Variants in MYO3B observed in about 807,000 individuals in gnomAD.
The protein encoded by MYO3B is myosin-IIIb.
Under a neutral mutation model 174.6 loss-of-function variants are expected in MYO3B, and 156 were observed. The ratio of observed to expected loss-of-function variants is 0.89; its 90% confidence interval spans 0.78 to 1.02. The LOEUF is 1.02. Among genes scored for constraint, MYO3B ranks in the 50% least tolerant of loss-of-function variants. MYO3B has a pLI of 0.00. For missense variants in MYO3B, 1,632 were observed against 1,639.4 expected, an observed-to-expected ratio of 1.00 and a Z score of 0.08; for synonymous variants, 563 against 569.1, an observed-to-expected ratio of 0.99 and a Z score of 0.15.
chr2:170,260,274 T>C (rs2093335774), intron 7 of MYO3B, among the ~76,000 whole-genome samples: 1 of 152,200 alleles, frequency 6.6e-6, no homozygotes, highest in African/African-American at 2.4e-5. Context: ...TGTATGTTAA[T>C]TGCAGCACCA....
chr2:170,382,454 A>T (rs1225922881), intron 10 of MYO3B: 1 of 183,624 alleles, frequency 5.4e-6, no homozygotes, highest in Non-Finnish European at 1.2e-5. Context: ...TTTGTTCTTC[A>T]TAAGAAAGAG....
At chr2:170,458,295 G>A (rs926017321) in intron 23 of MYO3B, among the ~76,000 whole-genome samples, 1 of 152,186 alleles carries the variant, frequency 6.6e-6, no homozygotes, top group African/African-American at 2.4e-5. Context: ...TGGGACTAAT[G>A]TAGTATATAC....
chr2:170,529,902 A>G (rs569152133), intron 30 of MYO3B, among the ~76,000 whole-genome samples: 1 of 152,206 alleles, frequency 6.6e-6, no homozygotes, highest in Non-Finnish European at 1.5e-5. Flanking sequence ...CACTTTCTTC[A>G]CTGGGTTATA....
At chr2:170,192,261 A>C (rs2092549652) in intron 1 of MYO3B, among the ~76,000 whole-genome samples, 1 of 151,134 alleles carries the variant, frequency 6.6e-6, no homozygotes, top group South Asian at 2.1e-4. Context: ...AATTTCTTCC[A>C]TTATATGTCT....
Position 170,653,634 on chromosome 2 carries a change from C to T in MYO3B, c.*513C>T, listed in dbSNP as rs191165643. 1 of 155,412 alleles carries T rather than the reference C, an allele frequency of 6.4e-6. No homozygotes were observed. 9.6% of individuals were successfully genotyped at this position (155,412 alleles called of 1,614,324 possible). Reference sequence around the variant, plus strand: ...GTCAGGGCTCCATTGCTGAGTGCCCCATCCTGGAGGATTGGCCCCAAGATC... The same window carrying T: ...GTCAGGGCTCCATTGCTGAGTGCCCTATCCTGGAGGATTGGCCCCAAGATC... On this transcript the variant is annotated 3_prime_UTR_variant, in exon 35 of 35. Coordinates refer to ENST00000408978, the MANE Select transcript of MYO3B (RefSeq NM_138995.5).
rs56377234 is a variant in MYO3B at position 170,396,747 on chromosome 2, A to G, written c.1792-3441A>G. On this transcript the variant is annotated intron_variant, in intron 16 of 34. Transcript: ENST00000408978. ...GTATAGTCTTTGACAGTCATTTTCTATGGTGATTATCCCAGTGGTGAAATG... is the reference window on the plus strand; with the variant it reads ...GTATAGTCTTTGACAGTCATTTTCTGTGGTGATTATCCCAGTGGTGAAATG... 6.0e-3 allele frequency among the ~76,000 whole-genome samples: 914 copies of G among 152,284 alleles called. 8 individuals carry two copies. The highest frequency in any genetic ancestry group is 0.021 in the African/African-American group (858 of 41,560).
At chr2:170,231,593 A>T (rs1305727737) in intron 6 of MYO3B, among the ~76,000 whole-genome samples, 2 of 152,228 alleles carry the variant, frequency 1.3e-5, no homozygotes, top group Non-Finnish European at 2.9e-5. Flanking sequence ...GAACCTGGAC[A>T]TGCTCCATTA....
chr2:170,615,959 A>T lies in MYO3B; in HGVS notation c.3734-35669A>T, dbSNP rs565153940. On this transcript the variant is annotated intron_variant, in intron 32 of 34. Coordinates refer to ENST00000408978, the MANE Select transcript of MYO3B (RefSeq NM_138995.5). ...TAACATTTGTATGTAGAAGTACAGT[A>T]CATTTGTATGTAGAAGTACAGTATA... Among the ~76,000 whole-genome samples, 37 of 151,622 alleles carry T rather than the reference A, an allele frequency of 2.4e-4. 1 individual carries two copies. The highest frequency in any genetic ancestry group is 4.1e-4 in the South Asian group (2 of 4,832).
chr2:170,214,266 T>G, intron 3 of MYO3B, 113 bp from the exon 4 acceptor site: 1 of 737,430 alleles, frequency 1.4e-6, no homozygotes, highest in South Asian at 1.9e-5. Context: ...AGTTTTGTAA[T>G]CTGCAAATTT....
rs545683268 is a variant in MYO3B, at chr2:170,352,403, G to T, written c.816-16819G>T. ...AGTTTCTAAACCAAAAGAAGAAAGGGTCTACAGAAAATTTAATCAATCTAA... is the reference window on the plus strand; with the variant it reads ...AGTTTCTAAACCAAAAGAAGAAAGGTTCTACAGAAAATTTAATCAATCTAA... On this transcript the variant is annotated intron_variant, in intron 8 of 34. Coordinates refer to ENST00000408978, the MANE Select transcript of MYO3B (RefSeq NM_138995.5). Among the ~76,000 whole-genome samples, 10 of 152,224 alleles carry T rather than the reference G, an allele frequency of 6.6e-5. No individual in the cohort carries two copies. The South Asian group carries it at 1.9e-3, about 28-fold the overall frequency.
intron 8 of MYO3B, among the ~76,000 whole-genome samples, chr2:170,366,849 A>C (rs2094202855): frequency 6.6e-6 from 1 of 152,076 alleles, no homozygotes; most frequent in Non-Finnish European, 1.5e-5. Flanking sequence ...TACCACCTTT[A>C]ATTGTGGTCC....
intron 7 of MYO3B, among the ~76,000 whole-genome samples, chr2:170,302,422 G>A (rs2093671853): frequency 6.6e-6 from 1 of 152,150 alleles, no homozygotes; most frequent in African/African-American, 2.4e-5. Context: ...ATGACCAGCT[G>A]GGGCTGGGAC....
chr2:170,313,555 C>T (rs1393430237), intron 7 of MYO3B, among the ~76,000 whole-genome samples: 3 of 152,172 alleles, frequency 2.0e-5, no homozygotes, highest in African/African-American at 7.2e-5. Context: ...TCAAAATGTT[C>T]CTGAAAGGGA....
Position 170,199,357 on chromosome 2 carries a change from G to A in MYO3B, c.152G>A (p.Ser51Asn), listed in dbSNP as rs1559293299. The A allele has an allele frequency of 1.2e-6, 2 of 1,611,952 alleles. No individual in the cohort carries two copies. Among genetic ancestry groups the A allele is most frequent in the Non-Finnish European group, 1.7e-6 (2 of 1,179,154 alleles). The stretch of plus-strand genomic sequence containing the variant: ...AAGGTAACTAACAAGAGAGATGGGA[G>A]CCTGGCTGCAGTGAAAATTCTGGAT... Reference protein sequence around the residue: ...VYKVTNKRDGSLAAVKILDPV... With the variant: ...VYKVTNKRDGNLAAVKILDPV... The change falls in exon 2 of 35, where the codon AGC becomes AAC. Residue 51 changes from serine (S) to asparagine (N), a missense_variant. Transcript: ENST00000408978.
intron 8 of MYO3B, among the ~76,000 whole-genome samples, chr2:170,359,405 A>G (rs2094145183): frequency 6.6e-6 from 1 of 152,176 alleles, no homozygotes; most frequent in East Asian, 1.9e-4. Flanking sequence ...CCTTCCCTCT[A>G]ATCTACTCTC....
chr2:170,410,382 C>T (rs2094537627), intron 22 of MYO3B, among the ~76,000 whole-genome samples: 1 of 151,926 alleles, frequency 6.6e-6, no homozygotes, highest in South Asian at 2.1e-4. Flanking sequence ...GAGTTCGAGA[C>T]CAGCCTGGCC....
At chr2:170,185,020 A>T (rs903439260) in intron 1 of MYO3B, among the ~76,000 whole-genome samples, 1 of 150,524 alleles carries the variant, frequency 6.6e-6, no homozygotes, top group African/African-American at 2.4e-5. Context: ...TTAAAATCAG[A>T]TTATTAGATT....
chr2:170,323,726 A>G (rs937149322), intron 7 of MYO3B, among the ~76,000 whole-genome samples: 1 of 152,244 alleles, frequency 6.6e-6, no homozygotes, highest in Non-Finnish European at 1.5e-5. Flanking sequence ...TTATTAGCAC[A>G]GTGCTTTCAC....
chr2:170,181,849 C>T (rs935749659), intron 1 of MYO3B, among the ~76,000 whole-genome samples: 7 of 152,060 alleles, frequency 4.6e-5, no homozygotes, highest in African/African-American at 1.7e-4. Context: ...AGATTGTTTA[C>T]GCTTTCGCTC....
Sources: allele counts gnomAD v4.1 joint callset (sites outside exome capture counted in the v4.1 genomes callset), GRCh38; gene constraint gnomAD v4.1.1; transcripts MANE v1.5; gene names NCBI Gene and HGNC (gene_info 2026-07-23, HGNC 2026-07-21).